TMEM117: variants seen among roughly 807,000 people sequenced by gnomAD.
TMEM117 encodes the protein transmembrane protein 117.
TMEM117 carries 27 observed loss-of-function variants against 52.4 expected under a neutral mutation model. That is an observed-to-expected ratio of 0.51 (90% CI 0.38 to 0.71). The LOEUF is 0.71. Ranked by LOEUF, TMEM117 falls within the 30% of genes least tolerant of loss-of-function variation. The probability of loss-of-function intolerance (pLI) is 0.00; values close to 1 mark genes in which losing one functional copy is unlikely to be tolerated. For synonymous variants in TMEM117, 215 were observed against 206.3 expected (o/e 1.04, Z -0.36); for missense variants, 556 against 630.5 (o/e 0.88, Z 1.26).
At chr12:44,390,348 CA>C (rs1482320159), downstream of TMEM117, among the ~76,000 whole-genome samples, 7 of 152,038 alleles carry the variant, frequency 4.6e-5, no homozygotes, top group African/African-American at 1.7e-4. Flanking sequence ...CAGCCTAGAA[CA>C]TTCAACTTTT....
intron 6 of TMEM117, among the ~76,000 whole-genome samples, chr12:44,307,700 C>G (rs1950921089): frequency 6.6e-6 from 1 of 152,194 alleles, no homozygotes; most frequent in South Asian, 2.1e-4. Flanking sequence ...TGTTTATTAG[C>G]AGTCCTGGCA....
chr12:43,898,028 GCA>G (rs10604495), intron 2 of TMEM117, among the ~76,000 whole-genome samples: 2,244 of 143,480 alleles, frequency 0.016, 23 homozygotes, highest in Non-Finnish European at 0.024. Context: ...ATGCACATGC[GCA>G]CACACACACA....
At chr12:44,215,294 G>A (rs1592612987) in intron 5 of TMEM117, among the ~76,000 whole-genome samples, 1 of 152,128 alleles carries the variant, frequency 6.6e-6, no homozygotes, top group Admixed American at 6.6e-5. Context: ...TTCAGTGATA[G>A]GTGTCTCTAC....
chr12:44,237,208 G>A (rs1950007566), intron 5 of TMEM117, among the ~76,000 whole-genome samples: 1 of 152,018 alleles, frequency 6.6e-6, no homozygotes, highest in South Asian at 2.1e-4. Flanking sequence ...AGATACATCT[G>A]ATTAAAACAG....
chr12:44,396,424 A>G, the TMEM117 span, among the ~76,000 whole-genome samples: 9 of 151,870 alleles, frequency 5.9e-5, no homozygotes, highest in African/African-American at 1.9e-4. Flanking sequence ...TGTGTCTCCT[A>G]TTAGATTATA....
rs66667106 is a variant in TMEM117, at chr12:44,027,082, C to CTATTT, written c.410+82769_410+82773dup. Among the ~76,000 whole-genome samples, 231 of 136,652 alleles carry CTATTT rather than the reference C, an allele frequency of 1.7e-3. 5 individuals carry two copies. Among genetic ancestry groups the CTATTT allele is most frequent in the Middle Eastern group, 0.012 (3 of 254 alleles). 89.6% of individuals were successfully genotyped at this position (136,652 alleles called of 152,430 possible). On this transcript the variant is annotated intron_variant, in intron 3 of 7. Transcript: ENST00000266534. ...TTTAAACCTCAAACCATTTCTTAGC[C>CTATTT]TATTTTATTTTATTTTATTTTATTT...
intron 2 of TMEM117, among the ~76,000 whole-genome samples, chr12:43,856,888 A>G (rs1393506839): frequency 6.6e-6 from 1 of 152,192 alleles, no homozygotes; most frequent in Non-Finnish European, 1.5e-5. Context: ...AATTATTGAT[A>G]TTTGATGTTT....
intron 3 of TMEM117, among the ~76,000 whole-genome samples, chr12:43,967,229 A>G (rs1303022374): frequency 6.6e-6 from 1 of 151,640 alleles, no homozygotes; most frequent in Non-Finnish European, 1.5e-5. Flanking sequence ...TGCTCAAATG[A>G]TCTTCTCACC....
chr12:44,376,562 T>C (rs1565773584), intron 6 of TMEM117, 33 bp from the exon 7 acceptor site: 4 of 1,581,714 alleles, frequency 2.5e-6, no homozygotes, highest in Admixed American at 1.9e-5. Context: ...ATGAAACGAA[T>C]CACAAATGTT....
rs1952138385 is a variant in TMEM117 at position 44,389,207 on chromosome 12, C to G, written c.*535C>G. On this transcript the variant is annotated 3_prime_UTR_variant, in exon 8 of 8. Coordinates refer to ENST00000266534, the MANE Select transcript of TMEM117 (RefSeq NM_032256.3). ...GACTGCAGAGAAACATGGTGATCAC[C>G]TTTTAATTTTTATTGGCTGTCTGCC... The G allele has an allele frequency of 6.5e-6, 1 of 154,560 alleles. No individual in the cohort carries two copies. The highest frequency in any genetic ancestry group is 2.4e-5 in the African/African-American group (1 of 41,408). 9.6% of individuals were successfully genotyped at this position (154,560 alleles called of 1,614,324 possible). A position where few individuals can be genotyped will look rare whatever the true frequency, so the allele number is the denominator to read the frequency against.
At chr12:44,131,785 T>C (rs1012408589) in intron 3 of TMEM117, among the ~76,000 whole-genome samples, 11 of 152,308 alleles carry the variant, frequency 7.2e-5, no homozygotes, top group African/African-American at 2.4e-4. Flanking sequence ...GTTGTTGTTA[T>C]TTGCATGTTA....
chr12:43,852,842 G>A (rs1388176151), intron 2 of TMEM117, among the ~76,000 whole-genome samples: 2 of 152,072 alleles, frequency 1.3e-5, no homozygotes, highest in African/African-American at 4.8e-5. Context: ...TCTATTAGTT[G>A]TCATTTTCTT....
chr12:44,119,451 T>A (rs12316922), intron 3 of TMEM117, among the ~76,000 whole-genome samples: 7 of 152,300 alleles, frequency 4.6e-5, no homozygotes, highest in African/African-American at 1.7e-4. Context: ...TTGTTGAAAG[T>A]CAGGAGAGTG....
chr12:44,104,264 G>A (rs1054176174), intron 3 of TMEM117, among the ~76,000 whole-genome samples: 1 of 151,660 alleles, frequency 6.6e-6, no homozygotes, highest in African/African-American at 2.4e-5. Flanking sequence ...TATAGCTTTG[G>A]GTTTCCTCCC....
At chr12:44,096,573 A>T (rs1337073969) in intron 3 of TMEM117, among the ~76,000 whole-genome samples, 3 of 151,698 alleles carry the variant, frequency 2.0e-5, no homozygotes, top group African/African-American at 7.3e-5. Context: ...ATCTACAACT[A>T]TCTGATCTTT....
the TMEM117 span, chr12:43,797,931 C>T: frequency 4.1e-6 from 5 of 1,205,790 alleles, no homozygotes. Flanking sequence ...TCATTCAACC[C>T]TAGCCCAACC....
intron 3 of TMEM117, among the ~76,000 whole-genome samples, chr12:44,006,366 G>T (rs966250010): frequency 6.6e-6 from 1 of 152,186 alleles, no homozygotes; most frequent in Non-Finnish European, 1.5e-5. Context: ...CTTGACAGAA[G>T]ACATTGTGGT....
At chr12:43,917,674 T>G (rs10880587) in intron 2 of TMEM117, among the ~76,000 whole-genome samples, 103,168 of 152,022 alleles carry the variant, frequency 0.68, 39,085 homozygotes, top group Non-Finnish European at 0.82. Context: ...GGCTGCAATA[T>G]TGGGGTTCAT....
At chr12:44,078,862 A>ACCCCCCCCCCCCCCCCCCCCCC (rs976766481) in intron 3 of TMEM117, among the ~76,000 whole-genome samples, 2 of 56,480 alleles carry the variant, frequency 3.5e-5, no homozygotes, top group African/African-American at 1.4e-4. Flanking sequence ...CTCCCCTAGC[A>ACCCCCCCCCCCCCCCCCCCCCC]CCCCCCCACC....
Sources: allele counts gnomAD v4.1 joint callset (sites outside exome capture counted in the v4.1 genomes callset), GRCh38; gene constraint gnomAD v4.1.1; transcripts MANE v1.5; gene names NCBI Gene and HGNC (gene_info 2026-07-23, HGNC 2026-07-21).